The following TBL1Y variants were observed in gnomAD, a reference collection of about 807,000 sequenced individuals.
TBL1Y encodes F-box-like/WD repeat-containing protein TBL1Y.
Under a neutral mutation model 12.0 loss-of-function variants are expected in TBL1Y, and 15 were observed. The ratio of observed to expected loss-of-function variants is 1.25; its 90% confidence interval spans 0.83 to 1.92. The LOEUF (loss-of-function observed/expected upper bound fraction) is 1.92, where lower values mean the gene tolerates loss of function less well. Ranked by LOEUF, TBL1Y falls within the 40% of genes most tolerant of loss-of-function variation. The pLI, the probability that TBL1Y is intolerant of heterozygous loss-of-function variation, is 0.00. For missense variants in TBL1Y, 148 were observed against 116.7 expected, an observed-to-expected ratio of 1.27 and a Z score of -1.24; for synonymous variants, 53 against 42.6, an observed-to-expected ratio of 1.24 and a Z score of -0.95.
chrY:6,924,499 A>C, intron 2 of TBL1Y, among the ~76,000 whole-genome samples: 1 of 30,273 alleles, frequency 3.3e-5, no homozygotes, highest in Non-Finnish European at 7.9e-5. Context: ...GAGGCAGGAG[A>C]ATGGCGTGAA....
intron 3 of TBL1Y, among the ~76,000 whole-genome samples, chrY:6,987,151 T>C: frequency 6.1e-5 from 2 of 32,814 alleles, no homozygotes; most frequent in Admixed American, 5.7e-4. Flanking sequence ...GTCTAAGTTA[T>C]GTGGAATTGA....
At chrY:7,064,569 G>C in intron 8 of TBL1Y, among the ~76,000 whole-genome samples, 1 of 33,826 alleles carries the variant, frequency 3.0e-5, no homozygotes, top group African/African-American at 1.2e-4. Flanking sequence ...CTGAGCATCA[G>C]CTTATTTGGT....
chrY:7,071,807 G>C lies in TBL1Y; in HGVS notation c.871G>C (p.Val291Leu). Residue 291 changes from valine to leucine, a missense_variant, in exon 12 of 19, where the codon GTT becomes CTT. Transcript: ENST00000383032. ...GAAATGGAACAAAAAGGGGAATTATGTTTTGAGTGCTGGTGTAGACAAAGT... is the reference window on the plus strand; with the variant it reads ...GAAATGGAACAAAAAGGGGAATTATCTTTTGAGTGCTGGTGTAGACAAAGT... ...ALKWNKKGNY[V>L]LSAGVDKTTI... 5.1e-6 allele frequency: 2 copies of C among 393,597 alleles called. No homozygotes were observed. Among genetic ancestry groups the C allele is most frequent in the African/African-American group, 1.3e-4 (2 of 15,443 alleles).
intron 2 of TBL1Y, among the ~76,000 whole-genome samples, chrY:6,916,113 G>A (rs2011732494): frequency 3.1e-5 from 1 of 32,263 alleles, no homozygotes; most frequent in Middle Eastern, 0.014. Context: ...ACTATTTTTC[G>A]TGTGAAGGAA....
chrY:7,090,125 G>A lies in TBL1Y; in HGVS notation c.1483G>A (p.Gly495Ser), dbSNP rs374518187. 5 of 396,520 alleles carry A rather than the reference G, an allele frequency of 1.3e-5. No individual in the cohort carries two copies. The highest frequency in any genetic ancestry group is 6.3e-5 in the African/African-American group (1 of 15,784). The change falls in exon 18 of 19, where the codon GGT becomes AGT. Residue 495 changes from glycine to serine, a missense_variant. Transcript: ENST00000383032. ...SLVHSYQGTG[G>S]IFEVCWNARG... ...CGTCCACAGCTACCAAGGCACTGGC[G>A]GTATCTTCGAGGTGTGCTGGAACGC...
chrY:6,934,215 T>A (rs774494518), intron 2 of TBL1Y, among the ~76,000 whole-genome samples: 1 of 33,503 alleles, frequency 3.0e-5, no homozygotes, highest in Admixed American at 2.8e-4. Context: ...CATCTGTGTC[T>A]GTTCCCTGAA....
At chrY:7,078,432 T>C (rs2013074287) in intron 13 of TBL1Y, among the ~76,000 whole-genome samples, 1 of 33,749 alleles carries the variant, frequency 3.0e-5, no homozygotes, top group Admixed American at 2.7e-4. Context: ...CCTTCTCTCC[T>C]GGTACATCAT....
At chrY:6,984,288 C>T in intron 3 of TBL1Y, among the ~76,000 whole-genome samples, 8 of 33,008 alleles carry the variant, frequency 2.4e-4, no homozygotes, top group Non-Finnish European at 5.2e-4. Flanking sequence ...TGGTTGGGTG[C>T]GGAGCTGCTT....
chrY:7,083,175 C>T, intron 14 of TBL1Y, among the ~76,000 whole-genome samples: 3 of 33,865 alleles, frequency 8.9e-5, no homozygotes, highest in African/African-American at 3.5e-4. Flanking sequence ...GGGACTTGAC[C>T]CTTTAAGTGG....
chrY:7,020,297 C>T (rs750710082), intron 4 of TBL1Y, among the ~76,000 whole-genome samples: 53 of 33,331 alleles, frequency 1.6e-3, no homozygotes, highest in Admixed American at 4.7e-3. Context: ...ACTCTCTAGG[C>T]GGGTGGCCAG....
At chrY:6,970,026 A>G in intron 2 of TBL1Y, among the ~76,000 whole-genome samples, 3 of 32,261 alleles carry the variant, frequency 9.3e-5, no homozygotes, top group African/African-American at 3.7e-4. Flanking sequence ...TTTGCTGGGG[A>G]TGTTGGTACC....
intron 2 of TBL1Y, among the ~76,000 whole-genome samples, chrY:6,976,703 T>C (rs2012244173): frequency 3.0e-5 from 1 of 33,571 alleles, no homozygotes; most frequent in Non-Finnish European, 7.4e-5. Flanking sequence ...GGGGATTCTG[T>C]GCTCTTTCCA....
intron 17 of TBL1Y, among the ~76,000 whole-genome samples, 177 bp from the exon 18 acceptor site, chrY:7,089,912 A>G: frequency 3.0e-5 from 1 of 33,389 alleles, no homozygotes; most frequent in Non-Finnish European, 7.4e-5. Context: ...GTTGTGGGAA[A>G]TCCAAAAGAC....
rs2012768578 is a variant in TBL1Y at position 7,047,754 on chromosome Y, CA to C, written c.204+4630del. Among the ~76,000 whole-genome samples the C allele has an allele frequency of 1.6e-4, 4 of 25,663 alleles. No individual in the cohort carries two copies. The East Asian group carries it at 3.8e-3, about 24-fold the overall frequency. 68.9% of individuals were successfully genotyped at this position (25,663 alleles called of 37,273 possible). On this transcript the variant is annotated intron_variant, in intron 7 of 18. Coordinates refer to ENST00000383032, the MANE Select transcript of TBL1Y (RefSeq NM_033284.2). ...ATATTTGATTTTTGTTTGTTTGTTT[CA>C]TTTTTTTTTTTTTTTTTTTTTTGAG...
chrY:7,049,088 T>C, intron 7 of TBL1Y, among the ~76,000 whole-genome samples: 2 of 32,576 alleles, frequency 6.1e-5, no homozygotes, highest in Non-Finnish European at 1.5e-4. Flanking sequence ...TGTCCAAGTG[T>C]TCTCATTGTT....
intron 4 of TBL1Y, among the ~76,000 whole-genome samples, chrY:7,000,840 C>T (rs192028702): frequency 2.7e-4 from 9 of 33,586 alleles, no homozygotes; most frequent in African/African-American, 9.3e-4. Flanking sequence ...CCTCAAGTGT[C>T]GCGCCCACCT....
intron 2 of TBL1Y, among the ~76,000 whole-genome samples, chrY:6,950,427 C>G: frequency 6.0e-5 from 2 of 33,446 alleles, no homozygotes; most frequent in Admixed American, 5.5e-4. Flanking sequence ...GCACCTTGAG[C>G]AATATCTACT....
chrY:7,042,125 C>T, intron 6 of TBL1Y, among the ~76,000 whole-genome samples: 2 of 33,063 alleles, frequency 6.0e-5, no homozygotes, highest in South Asian at 1.4e-3. Context: ...AATCAGTGCA[C>T]AACGGGCTTG....
At chrY:7,078,589 C>A (rs936155078) in intron 13 of TBL1Y, among the ~76,000 whole-genome samples, 8 of 33,694 alleles carry the variant, frequency 2.4e-4, no homozygotes, top group Admixed American at 1.6e-3. Flanking sequence ...TAGCATGAAC[C>A]CTAGGAAGGG....
Sources: gnomAD v4.1 joint callset for allele counts (sites outside exome capture counted in the v4.1 genomes callset) on GRCh38, gnomAD v4.1.1 for gene constraint, MANE v1.5 for transcripts, NCBI Gene and HGNC (gene_info 2026-07-23, HGNC 2026-07-21) for gene names.